Variants in CFAP43 observed in about 807,000 individuals in gnomAD.
The protein encoded by CFAP43 is cilia- and flagella-associated protein 43.
CFAP43 carries 155 observed loss-of-function variants against 218.9 expected under a neutral mutation model. The observed-to-expected ratio is 0.71, with a 90% CI of 0.62 to 0.81. The LOEUF (loss-of-function observed/expected upper bound fraction) is 0.81, where lower values mean the gene tolerates loss of function less well. Ranked by LOEUF, CFAP43 falls within the 30% of genes least tolerant of loss-of-function variation. CFAP43 has a pLI of 0.00. For synonymous variants in CFAP43, 645 were observed against 681.3 expected, an observed-to-expected ratio of 0.95 and a Z score of 0.83; for missense variants, 1,778 against 1,954.3, an observed-to-expected ratio of 0.91 and a Z score of 1.70.
At chr10:104,211,498 C>T (rs2090861285) in intron 5 of CFAP43, among the ~76,000 whole-genome samples, 2 of 152,220 alleles carry the variant, frequency 1.3e-5, no homozygotes. Context: ...TTGTTCCTCC[C>T]TCCCGGGTTT....
intron 20 of CFAP43, 40 bp downstream of exon 20, chr10:104,172,370 C>T (rs2089446100): frequency 1.9e-6 from 3 of 1,583,112 alleles, no homozygotes; most frequent in African/African-American, 2.7e-5. Flanking sequence ...TTACTTCTTT[C>T]ATCATAACTT....
chr10:104,167,570 C>T (rs903783229), intron 22 of CFAP43, 51 bp downstream of exon 22: 17 of 1,408,334 alleles, frequency 1.2e-5, no homozygotes, highest in Admixed American at 4.8e-5. Flanking sequence ...AAAGGAGACT[C>T]TAAAATAAAG....
rs771714121 is a variant in CFAP43 at position 104,167,515 on chromosome 10, C to T, written c.2808+106G>A. 106 of 718,790 alleles carry T rather than the reference C, an allele frequency of 1.5e-4. No homozygotes were observed. In the African/African-American group the frequency reaches 1.7e-3, roughly 12 times the overall value. 44.5% of individuals were successfully genotyped at this position (718,790 alleles called of 1,614,324 possible). Reference sequence around the variant, plus strand: ...TTAACAAGAAATAAAAATATAAATACATACAATACCTAAACTTAAATTACA... The same window carrying T: ...TTAACAAGAAATAAAAATATAAATATATACAATACCTAAACTTAAATTACA... On this transcript the variant is annotated intron_variant, in intron 22 of 37. Coordinates refer to ENST00000357060, the MANE Select transcript of CFAP43 (RefSeq NM_025145.7).
intron 34 of CFAP43, 27 bp downstream of exon 34, chr10:104,140,815 T>A: frequency 1.3e-6 from 2 of 1,546,726 alleles, no homozygotes; most frequent in Non-Finnish European, 8.7e-7. Context: ...GACCTTGAAT[T>A]AAAATAAAAA....
chr10:104,216,127 A>C (rs1378462759), intron 3 of CFAP43, among the ~76,000 whole-genome samples: 1 of 152,046 alleles, frequency 6.6e-6, no homozygotes, highest in African/African-American at 2.4e-5. Flanking sequence ...GTTGTTCTAA[A>C]GTCACCGCCA....
intron 3 of CFAP43, among the ~76,000 whole-genome samples, chr10:104,218,347 CAAAAAA>C (rs68078522): frequency 1.0e-5 from 1 of 98,616 alleles, no homozygotes; most frequent in Non-Finnish European, 2.3e-5. Context: ...GACTGTGTCT[CAAAAAA>C]AAAAAAAAAA....
rs184056839 is a variant in CFAP43 at position 104,201,614 on chromosome 10, C to T, written c.1095+2058G>A. On this transcript the variant is annotated intron_variant, in intron 8 of 37. Transcript: ENST00000357060. ...CTTTATTCTATATACCCTGCTCTGC[C>T]CCCCCCAACTTATATTATTGTTATT... Among the ~76,000 whole-genome samples the T allele has an allele frequency of 4.6e-5, 7 of 152,046 alleles. No homozygotes were observed. The East Asian group carries it at 7.7e-4, about 17-fold the overall frequency.
chr10:104,161,220 T>G, intron 26 of CFAP43, 58 bp from the exon 27 acceptor site: 3 of 1,542,884 alleles, frequency 1.9e-6, no homozygotes, highest in Non-Finnish European at 2.6e-6. Flanking sequence ...AGTAGTACAG[T>G]AAAAGCTCAG....
chr10:104,148,670 C>T (rs892872602), intron 28 of CFAP43, among the ~76,000 whole-genome samples: 35 of 152,226 alleles, frequency 2.3e-4, no homozygotes, highest in African/African-American at 8.2e-4. Flanking sequence ...GATTTCTGCA[C>T]ACCCCAGCTC....
chr10:104,180,004 C>A (rs2089773134), intron 17 of CFAP43, 72 bp from the exon 18 acceptor site: 3 of 1,089,874 alleles, frequency 2.8e-6, no homozygotes, highest in Non-Finnish European at 4.1e-6. Context: ...TCCCACCCTA[C>A]CACATGTAAC....
intron 27 of CFAP43, 49 bp downstream of exon 27, chr10:104,160,988 A>G (rs1467677327): frequency 6.5e-7 from 1 of 1,533,346 alleles, no homozygotes. Flanking sequence ...AAGATATTTA[A>G]ACAGCACTCT....
rs561502871 is a variant in CFAP43 at position 104,232,304 on chromosome 10, G to A, written c.-58C>T. The A allele has an allele frequency of 4.4e-5, 65 of 1,484,804 alleles. 1 individual carries two copies. The South Asian group carries it at 8.2e-4, about 19-fold the overall frequency. The allele number at this position is 1,484,804 out of a possible 1,614,324, so 92.0% of individuals were successfully genotyped here. On this transcript the variant is annotated 5_prime_UTR_variant, in exon 1 of 38. Transcript: ENST00000357060. ...CGCACGCAGCACCCCAGGGCGGGTC[G>A]GTTACCTTTCCGCCGCCGCGGGGCT...
intron 24 of CFAP43, 112 bp downstream of exon 24, chr10:104,163,982 T>G: frequency 2.0e-6 from 2 of 1,001,510 alleles, no homozygotes; most frequent in Non-Finnish European, 3.0e-6. Flanking sequence ...TACCTGCAAC[T>G]GAGAGTGCTA....
In CFAP43 at chr10:104,186,089, T is replaced by C; in HGVS notation, c.1895A>G (p.Lys632Arg). The change falls in exon 15 of 38, where the codon AAA (lysine) becomes AGA (arginine). Residue 632 changes from lysine (K) to arginine (R), a missense_variant. By Grantham distance (26) the Lys-to-Arg change is conservative. Around this residue, in one of 3 missense-constraint regions of CFAP43, gnomAD observed 1,553 missense variants for 1,685.2 expected, o/e 0.92. Coordinates refer to ENST00000357060, the MANE Select transcript of CFAP43 (RefSeq NM_025145.7). ...HTGIYILKPY[K>R]KVQSRQYGPG... ...TCCATACTGTCTGCTTTGTACTTTT[T>C]TGTATGGTTTAAGAATGTAGATACC... 1.3e-6 allele frequency: 2 copies of C among 1,566,624 alleles called. No individual in the cohort carries two copies. The highest frequency in any genetic ancestry group is 1.7e-6 in the Non-Finnish European group (2 of 1,163,060).
Position 104,129,990 on chromosome 10 carries a change from C to G in CFAP43, c.*149G>C. On this transcript the variant is annotated 3_prime_UTR_variant, in exon 38 of 38. Transcript: ENST00000357060. The stretch of plus-strand genomic sequence containing the variant: ...GACAAAAATTTGTATACAATTAAGG[C>G]TAAAATTAAACAATTTTTTATCTAA... 1.0e-6 allele frequency: 1 copy of G among 966,788 alleles called. No individual in the cohort carries two copies. Among genetic ancestry groups the G allele is most frequent in the Non-Finnish European group, 1.4e-6 (1 of 696,556 alleles). The allele number at this position is 966,788 out of a possible 1,614,324, so 59.9% of individuals were successfully genotyped here.
chr10:104,166,760 A>G, intron 22 of CFAP43, 42 bp from the exon 23 acceptor site: 1 of 1,517,892 alleles, frequency 6.6e-7, no homozygotes. Flanking sequence ...TGCAATAATA[A>G]GAATCCTCTA....
In CFAP43 at chr10:104,161,970, A is replaced by G; in HGVS notation, c.3405T>C (p.Ile1135=). 6.2e-7 allele frequency: 1 copy of G among 1,613,472 alleles called. No individual in the cohort carries two copies. Among genetic ancestry groups the G allele is most frequent in the Non-Finnish European group, 8.5e-7 (1 of 1,179,786 alleles). The change falls in exon 26 of 38, where the codon ATT becomes ATC. Residue 1135 remains isoleucine, a synonymous_variant. Transcript: ENST00000357060. The stretch of plus-strand genomic sequence containing the variant: ...TGAACAGAAATATCACCATTCTCAA[A>G]ATATCTTCCTTCTTGACTTCCAGAA... ...GGVLEVKKED[I]LRMVIPQPAF...
chr10:104,208,437 CT>C (rs1289952414), intron 5 of CFAP43, among the ~76,000 whole-genome samples: 2 of 151,844 alleles, frequency 1.3e-5, no homozygotes, highest in Admixed American at 1.3e-4. Context: ...TTGTATGTGG[CT>C]TTTTTTTCTT....
chr10:104,190,135 CAAAAAAAAAAA>C (rs59257656), intron 12 of CFAP43, among the ~76,000 whole-genome samples: 6 of 50,786 alleles, frequency 1.2e-4, no homozygotes, highest in African/African-American at 4.5e-4. Flanking sequence ...GACTCCATCT[CAAAAAAAAAAA>C]AAAAAAAAAA....
Sources: allele counts gnomAD v4.1 joint callset (sites outside exome capture counted in the v4.1 genomes callset), GRCh38; gene constraint gnomAD v4.1.1; regional missense constraint gnomAD v4.1.1; transcripts MANE v1.5; gene names NCBI Gene and HGNC (gene_info 2026-07-23, HGNC 2026-07-21).